The following CAVIN2 variants were observed in gnomAD, a reference collection of about 807,000 sequenced individuals.
CAVIN2 encodes caveolae-associated protein 2.
In CAVIN2, 13 loss-of-function variants were observed where a neutral mutation model predicts 11.7. The ratio of observed to expected loss-of-function variants is 1.11; its 90% confidence interval spans 0.72 to 1.77. The LOEUF is 1.77. CAVIN2 is among the 40% of genes most tolerant of loss of function. The pLI is 0.00. For synonymous variants in CAVIN2, 237 were observed against 223.2 expected, an observed-to-expected ratio of 1.06 and a Z score of -0.55; for missense variants, 549 against 542.9, an observed-to-expected ratio of 1.01 and a Z score of -0.11.
chr2:191,836,298 T>C lies in CAVIN2; in HGVS notation c.903A>G (p.Lys301=). Reference sequence around the variant, plus strand: ...CTGCATGGCTTTCTCCCTCTCGGACTTTCTTCCGCCCGAAAGTGAGGGGAG... The same window carrying C: ...CTGCATGGCTTTCTCCCTCTCGGACCTTCTTCCGCCCGAAAGTGAGGGGAG... ...KVSPLTFGRK[K]VREGESHAEN... The change falls in exon 2 of 2, where the codon AAA becomes AAG. Residue 301 remains lysine, a synonymous_variant. Coordinates refer to ENST00000304141, the MANE Select transcript of CAVIN2 (RefSeq NM_004657.6). 6.2e-7 allele frequency: 1 copy of C among 1,614,170 alleles called. No homozygotes were observed. The highest frequency in any genetic ancestry group is 1.3e-5 in the African/African-American group (1 of 75,054).
chr2:191,842,710 A>C (rs553800226), intron 1 of CAVIN2, among the ~76,000 whole-genome samples: 1 of 152,354 alleles, frequency 6.6e-6, no homozygotes, highest in East Asian at 1.9e-4. Context: ...GATTTATTTT[A>C]TTGCTGAAAG....
intron 1 of CAVIN2, among the ~76,000 whole-genome samples, chr2:191,839,174 G>A (rs957608898): frequency 1.3e-5 from 2 of 152,296 alleles, no homozygotes; most frequent in Non-Finnish European, 2.9e-5. Flanking sequence ...GTCATTAAAA[G>A]TCCTCAGTGA....
intron 1 of CAVIN2, among the ~76,000 whole-genome samples, chr2:191,841,398 T>C (rs1054842494): frequency 6.6e-6 from 1 of 152,220 alleles, no homozygotes; most frequent in African/African-American, 2.4e-5. Flanking sequence ...GTGTTTGTTT[T>C]TACTCATTTT....
intron 1 of CAVIN2, among the ~76,000 whole-genome samples, chr2:191,842,327 A>G (rs1232527437): frequency 6.6e-6 from 1 of 152,206 alleles, no homozygotes; most frequent in Non-Finnish European, 1.5e-5. Context: ...TGCTCCCTGG[A>G]TTTGAAATCA....
rs769538876 is a variant in CAVIN2 at position 191,836,612 on chromosome 2, G to C, written c.589C>G (p.Leu197Val). The change falls in exon 2 of 2, where the codon CTG (leucine) becomes GTG (valine). Residue 197 changes from leucine to valine, a missense_variant. Physicochemically the swap from Leu to Val is conservative, Grantham distance 32 (BLOSUM62 1). Transcript: ENST00000304141. ...TCTGAGGAGAGGTCCACGGTGTGCA[G>C]GGTTTCCTCCAGGGATTTGTTTTCA... ...PDENKSLEET[L>V]HTVDLSSDDD... 6.2e-7 allele frequency: 1 copy of C among 1,614,118 alleles called. No individual in the cohort carries two copies. Among genetic ancestry groups the C allele is most frequent in the South Asian group, 1.1e-5 (1 of 91,080 alleles).
chr2:191,838,886 A>G (rs1690056333), intron 1 of CAVIN2, among the ~76,000 whole-genome samples: 1 of 152,190 alleles, frequency 6.6e-6, no homozygotes, highest in Non-Finnish European at 1.5e-5. Flanking sequence ...ATAAAAGAAC[A>G]AGTTCAGCTC....
At chr2:191,837,045 G>T (rs777673882) in intron 1 of CAVIN2, among the ~76,000 whole-genome samples, 2 of 152,216 alleles carry the variant, frequency 1.3e-5, no homozygotes, top group African/African-American at 2.4e-5. Context: ...TTACTGTGCT[G>T]TGAACCCAGA....
chr2:191,836,312 A>G lies in CAVIN2; in HGVS notation c.889T>C (p.Phe297Leu). Residue 297 changes from phenylalanine (F) to leucine (L), a missense_variant, in exon 2 of 2, where the codon TTC becomes CTC. Coordinates refer to ENST00000304141, the MANE Select transcript of CAVIN2 (RefSeq NM_004657.6). The stretch of plus-strand genomic sequence containing the variant: ...CCCTCTCGGACTTTCTTCCGCCCGA[A>G]AGTGAGGGGAGAAACCTTGAAGGGG... ...SSPFKVSPLT[F>L]GRKKVREGES... 6.2e-7 allele frequency: 1 copy of G among 1,614,150 alleles called. No individual in the cohort carries two copies. The highest frequency in any genetic ancestry group is 1.1e-5 in the South Asian group (1 of 91,080).
At chr2:191,839,979 C>A (rs1446231565) in intron 1 of CAVIN2, among the ~76,000 whole-genome samples, 2 of 152,134 alleles carry the variant, frequency 1.3e-5, no homozygotes, top group East Asian at 3.9e-4. Flanking sequence ...TGAAGTAACT[C>A]TTATGGTGGT....
At chr2:191,839,411 A>G (rs1010492381) in intron 1 of CAVIN2, among the ~76,000 whole-genome samples, 2 of 152,236 alleles carry the variant, frequency 1.3e-5, no homozygotes, top group African/African-American at 2.4e-5. Flanking sequence ...TTACAAAAGC[A>G]TAGTTGCTGT....
intron 1 of CAVIN2, among the ~76,000 whole-genome samples, chr2:191,839,757 G>T (rs1690069201): frequency 1.3e-5 from 2 of 152,138 alleles, no homozygotes; most frequent in Non-Finnish European, 2.9e-5. Context: ...ACACAAACAG[G>T]ATTTAATGTT....
chr2:191,836,702 G>A lies in CAVIN2; in HGVS notation c.499C>T (p.Pro167Ser), dbSNP rs748002649. The A allele has an allele frequency of 1.1e-5, 18 of 1,611,666 alleles. No homozygotes were observed. In the South Asian group the frequency reaches 1.9e-4, roughly 17 times the overall value. ...GGCTGTTTCACAAACACGCTGGCAG[G>A]GATCTCATTTTCCTCCTGAAAAGAC... ...VLIFQEENEI[P>S]ASVFVKQPVS... is the part of the protein sequence containing the mutation. The change falls in exon 2 of 2, where the codon CCT becomes TCT. Residue 167 changes from proline to serine, a missense_variant. Transcript: ENST00000304141.
Position 191,846,975 on chromosome 2 carries a change from G to A in CAVIN2, c.-50C>T. 3.2e-6 allele frequency: 5 copies of A among 1,545,360 alleles called. No homozygotes were observed. The highest frequency in any genetic ancestry group is 4.3e-6 in the Non-Finnish European group (5 of 1,153,090). On this transcript the variant is annotated 5_prime_UTR_variant, in exon 1 of 2. Coordinates refer to ENST00000304141, the MANE Select transcript of CAVIN2 (RefSeq NM_004657.6). ...TCTCTCTGGGAGCTGCTTCTTGCTC[G>A]GGTGAGAAGTTGCGGTGGTGAGGGT...
intron 1 of CAVIN2, among the ~76,000 whole-genome samples, chr2:191,844,918 C>T (rs1000907747): frequency 7.2e-5 from 11 of 152,100 alleles, no homozygotes; most frequent in African/African-American, 2.7e-4. Flanking sequence ...GATAATTTGC[C>T]TGATTCATAC....
chr2:191,846,800 G>A lies in CAVIN2; in HGVS notation c.126C>T (p.Asn42=), dbSNP rs760593561. ...AGTTGTCCCGGATGGCCTCCTCTGT[G>A]TTCCCTAGGTTCAGGCTGGGGCTTG... ...STPSPSLNLG[N]TEEAIRDNSQ... is the part of the protein sequence containing the mutation. Residue 42 remains asparagine, a synonymous_variant, in exon 1 of 2, where the codon AAC becomes AAT. Coordinates refer to ENST00000304141, the MANE Select transcript of CAVIN2 (RefSeq NM_004657.6). The A allele has an allele frequency of 1.9e-6, 3 of 1,614,090 alleles. No individual in the cohort carries two copies. Among genetic ancestry groups the A allele is most frequent in the African/African-American group, 2.7e-5 (2 of 74,932 alleles).
chr2:191,835,900 AG>A lies in CAVIN2; in HGVS notation c.*22del. 6.3e-7 allele frequency: 1 copy of A among 1,597,890 alleles called. No homozygotes were observed. On this transcript the variant is annotated 3_prime_UTR_variant, in exon 2 of 2. Transcript: ENST00000304141. The stretch of plus-strand genomic sequence containing the variant: ...CTGGCTGCCCGCTTGAGCACAGCAC[AG>A]GATGGCACGGTGGCTCTAAGCTCAG...
intron 1 of CAVIN2, among the ~76,000 whole-genome samples, chr2:191,843,439 GATAAA>G (rs1415047895): frequency 6.6e-6 from 1 of 152,156 alleles, no homozygotes; most frequent in Non-Finnish European, 1.5e-5. Flanking sequence ...GGCTGAAAAT[GATAAA>G]TTACCTAAAG....
At chr2:191,842,167 G>A (rs918709149) in intron 1 of CAVIN2, among the ~76,000 whole-genome samples, 5 of 152,130 alleles carry the variant, frequency 3.3e-5, no homozygotes, top group Admixed American at 3.3e-4. Context: ...CCTTATCAAA[G>A]GAACCCAAAG....
At chr2:191,844,575 CT>C (rs1690138495) in intron 1 of CAVIN2, among the ~76,000 whole-genome samples, 1 of 152,122 alleles carries the variant, frequency 6.6e-6, no homozygotes, top group Non-Finnish European at 1.5e-5. Flanking sequence ...CCAGTTTGGT[CT>C]TGAGCACCCC....
Sources: gnomAD v4.1 joint callset for allele counts (sites outside exome capture counted in the v4.1 genomes callset) on GRCh38, gnomAD v4.1.1 for gene constraint, MANE v1.5 for transcripts, NCBI Gene and HGNC (gene_info 2026-07-23, HGNC 2026-07-21) for gene names.